GLIS3: variants seen among roughly 807,000 people sequenced by gnomAD.
GLIS3 encodes the protein GLIS family zinc finger 3.
GLIS3 carries 53 observed loss-of-function variants against 78.6 expected under a neutral mutation model. The ratio of observed to expected loss-of-function variants is 0.67; its 90% CI spans 0.54 to 0.85. The LOEUF is 0.85. GLIS3 is among the 40% of genes least tolerant of loss of function. The pLI, the probability that GLIS3 is intolerant of heterozygous loss-of-function variation, is 0.00. For missense variants in GLIS3, 1,703 were observed against 1,231.1 expected, an observed-to-expected ratio of 1.38 and a Z score of -5.74; for synonymous variants, 684 against 509.9, an observed-to-expected ratio of 1.34 and a Z score of -4.60.
intron 4 of GLIS3, among the ~76,000 whole-genome samples, chr9:3,991,834 G>A (rs78422789): frequency 6.6e-6 from 1 of 151,940 alleles, no homozygotes; most frequent in Non-Finnish European, 1.5e-5. Flanking sequence ...GGGACTACAG[G>A]CGCCTGCAAC....
chr9:4,319,333 G>A (rs143551854), intron 2 of GLIS3, among the ~76,000 whole-genome samples: 3 of 152,110 alleles, frequency 2.0e-5, no homozygotes, highest in Admixed American at 1.3e-4. Flanking sequence ...TGATCCAGAT[G>A]GGGGAGCAGG....
intron 4 of GLIS3, among the ~76,000 whole-genome samples, chr9:4,044,292 A>G (rs1333412056): frequency 4.6e-5 from 7 of 152,232 alleles, no homozygotes; most frequent in African/African-American, 1.7e-4. Flanking sequence ...ATAGACATAA[A>G]GCATTTATGC....
the GLIS3 span, among the ~76,000 whole-genome samples, chr9:4,394,642 C>A: frequency 2.0e-5 from 3 of 152,250 alleles, no homozygotes; most frequent in Admixed American, 1.3e-4. Flanking sequence ...CATATCTTAC[C>A]CCAAAGTCTT....
intron 2 of GLIS3, among the ~76,000 whole-genome samples, chr9:4,315,868 T>C (rs751351950): frequency 1.3e-5 from 2 of 152,056 alleles, no homozygotes; most frequent in African/African-American, 2.4e-5. Context: ...AGGTATGGGG[T>C]TCTAGAATGC....
intron 2 of GLIS3, among the ~76,000 whole-genome samples, chr9:4,328,586 C>T (rs143146958): frequency 2.2e-4 from 33 of 152,342 alleles, no homozygotes; most frequent in African/African-American, 6.7e-4. Flanking sequence ...AGATAAAGCT[C>T]CTGACTTCTG....
At chr9:4,115,862 T>A (rs1480174674) in intron 4 of GLIS3, among the ~76,000 whole-genome samples, 1 of 152,176 alleles carries the variant, frequency 6.6e-6, no homozygotes, top group Non-Finnish European at 1.5e-5. Context: ...TCAATCTGAA[T>A]TTTATAAAGA....
At chr9:4,364,344 A>C in the GLIS3 span, among the ~76,000 whole-genome samples, 2 of 152,340 alleles carry the variant, frequency 1.3e-5, no homozygotes, top group Middle Eastern at 3.4e-3. Flanking sequence ...AACAGTGTAT[A>C]GCATACCTTG....
the GLIS3 span, among the ~76,000 whole-genome samples, chr9:4,456,445 C>T: frequency 6.6e-6 from 1 of 152,210 alleles, no homozygotes; most frequent in African/African-American, 2.4e-5. Flanking sequence ...GGTGTTGTGA[C>T]TGATTTGATC....
chr9:4,392,910 T>G, the GLIS3 span, among the ~76,000 whole-genome samples: 2 of 151,966 alleles, frequency 1.3e-5, no homozygotes, highest in Non-Finnish European at 2.9e-5. Flanking sequence ...TAGATCACTA[T>G]TCTTCCTGAA....
intron 2 of GLIS3, among the ~76,000 whole-genome samples, chr9:4,197,033 G>T (rs1818923252): frequency 6.6e-6 from 1 of 152,192 alleles, no homozygotes; most frequent in South Asian, 2.1e-4. Flanking sequence ...TCGTGGTGCA[G>T]TGGGGCTCTG....
At chr9:4,411,469 G>T in the GLIS3 span, among the ~76,000 whole-genome samples, 8 of 152,126 alleles carry the variant, frequency 5.3e-5, no homozygotes, top group East Asian at 1.9e-4. Flanking sequence ...AAATCAATAT[G>T]CAAATGTAGT....
rs113754532 is a variant in GLIS3 at position 4,286,344 on chromosome 9, T to C, written c.82A>G (p.Ile28Val). ...QGPRMVSGHH[I>V]PAIRAHSGTP... Reference sequence around the variant, plus strand: ...CCGGAGTGGGCTCGGATGGCAGGAATGTGATGACCACTGACCATCCTAGGC... The same window carrying C: ...CCGGAGTGGGCTCGGATGGCAGGAACGTGATGACCACTGACCATCCTAGGC... The change falls in exon 2 of 11, where the codon ATT becomes GTT. Residue 28 changes from isoleucine to valine, a missense_variant. Ile to Val is a conservative substitution (Grantham distance 29). Transcript: ENST00000381971. 326 of 1,614,092 alleles carry C rather than the reference T, an allele frequency of 2.0e-4. No homozygotes were observed. Among genetic ancestry groups the C allele is most frequent in the Non-Finnish European group, 2.3e-4 (267 of 1,180,050 alleles).
chr9:3,937,325 A>G (rs1825955239), intron 4 of GLIS3, 136 bp from the exon 5 acceptor site: 1 of 837,708 alleles, frequency 1.2e-6, no homozygotes, highest in African/African-American at 1.7e-5. Flanking sequence ...AACAGTAATA[A>G]ATATTGCTCC....
chr9:4,236,474 T>C (rs1822763776), intron 2 of GLIS3, among the ~76,000 whole-genome samples: 1 of 152,226 alleles, frequency 6.6e-6, no homozygotes, highest in Non-Finnish European at 1.5e-5. Flanking sequence ...GGATTTAATA[T>C]TTGTTTTTAA....
At chr9:4,447,001 C>T in the GLIS3 span, among the ~76,000 whole-genome samples, 3 of 152,084 alleles carry the variant, frequency 2.0e-5, no homozygotes, top group East Asian at 5.8e-4. Context: ...TTACTCTTTG[C>T]TCATGATGTA....
the GLIS3 span, among the ~76,000 whole-genome samples, chr9:4,436,333 T>C: frequency 2.0e-5 from 3 of 152,234 alleles, no homozygotes; most frequent in African/African-American, 7.2e-5. Flanking sequence ...TTTAAATTAA[T>C]ATAAACAATA....
At chr9:3,928,823 A>C (rs1207117202) in intron 6 of GLIS3, among the ~76,000 whole-genome samples, 2 of 152,228 alleles carry the variant, frequency 1.3e-5, no homozygotes, top group African/African-American at 4.8e-5. Context: ...ACAAATCACA[A>C]ATAAAGTTTG....
chr9:4,397,979 C>A, the GLIS3 span, among the ~76,000 whole-genome samples: 1 of 152,024 alleles, frequency 6.6e-6, no homozygotes, highest in Non-Finnish European at 1.5e-5. Context: ...CTACAGACAG[C>A]CATTCTGTTC....
intron 2 of GLIS3, among the ~76,000 whole-genome samples, chr9:4,180,937 C>G (rs1324820584): frequency 2.6e-5 from 4 of 152,168 alleles, no homozygotes; most frequent in Non-Finnish European, 5.9e-5. Context: ...GCCACCATCT[C>G]CCTGGGCATC....
Sources: gnomAD v4.1 joint callset for allele counts (sites outside exome capture counted in the v4.1 genomes callset) on GRCh38, gnomAD v4.1.1 for gene constraint, MANE v1.5 for transcripts, NCBI Gene and HGNC (gene_info 2026-07-23, HGNC 2026-07-21) for gene names.